The following KYNU variants were observed in gnomAD, a reference collection of about 807,000 sequenced individuals.
The protein encoded by KYNU is L-kynurenine hydrolase.
In KYNU, 54 loss-of-function variants were observed where a neutral mutation model predicts 59.2. The observed-to-expected ratio is 0.91, with a 90% CI of 0.73 to 1.14. The LOEUF (loss-of-function observed/expected upper bound fraction) is 1.14, where lower values mean the gene tolerates loss of function less well. Ranked by LOEUF, KYNU falls within the 50% of genes most tolerant of loss-of-function variation. The probability of loss-of-function intolerance (pLI) is 0.00; values close to 1 mark genes in which losing one functional copy is unlikely to be tolerated. For missense variants in KYNU, 567 were observed against 554.4 expected (o/e 1.02, Z -0.23); for synonymous variants, 177 against 192.0 (o/e 0.92, Z 0.65).
chr2:142,983,397 T>C (rs1685104253), intron 8 of KYNU, among the ~76,000 whole-genome samples: 1 of 152,036 alleles, frequency 6.6e-6, no homozygotes, highest in African/African-American at 2.4e-5. Flanking sequence ...ACATGGCTGA[T>C]CCCAGTGGCT....
intron 8 of KYNU, among the ~76,000 whole-genome samples, chr2:142,984,178 T>A (rs1012035572): frequency 3.9e-5 from 6 of 152,068 alleles, no homozygotes; most frequent in African/African-American, 1.4e-4. Context: ...ATATGTAACA[T>A]CGAGCATTGG....
At chr2:143,033,765 G>A (rs1420819607) in intron 12 of KYNU, among the ~76,000 whole-genome samples, 2 of 152,072 alleles carry the variant, frequency 1.3e-5, no homozygotes, top group Non-Finnish European at 2.9e-5. Flanking sequence ...ACTTTTTCTA[G>A]TTCATTGTAG....
intron 2 of KYNU, among the ~76,000 whole-genome samples, chr2:142,895,797 A>C (rs549245674): frequency 6.6e-5 from 10 of 152,190 alleles, no homozygotes; most frequent in Non-Finnish European, 1.2e-4. Flanking sequence ...CAATTCTTCC[A>C]TCTTAGCCTC....
At chr2:142,989,264 AGTT>A in intron 10 of KYNU, 4 of 462,618 alleles carry the variant, frequency 8.6e-6, no homozygotes, top group Non-Finnish European at 1.2e-5. Flanking sequence ...ATTATATTTC[AGTT>A]GTTAGCATTC....
chr2:142,984,094 A>C (rs1251351015), intron 8 of KYNU, among the ~76,000 whole-genome samples: 1 of 152,032 alleles, frequency 6.6e-6, no homozygotes, highest in Non-Finnish European at 1.5e-5. Flanking sequence ...TGAATCACTG[A>C]ACTTTCTGTA....
intron 3 of KYNU, among the ~76,000 whole-genome samples, chr2:142,925,403 T>G (rs1297525986): frequency 6.6e-6 from 1 of 152,138 alleles, no homozygotes; most frequent in Non-Finnish European, 1.5e-5. Flanking sequence ...AATAGAAATG[T>G]TAGTTTAAAA....
At chr2:142,920,546 A>G (rs531035029) in intron 3 of KYNU, among the ~76,000 whole-genome samples, 3 of 152,074 alleles carry the variant, frequency 2.0e-5, no homozygotes, top group African/African-American at 7.2e-5. Flanking sequence ...TCAAGACTTT[A>G]AAGTTGCATT....
intron 10 of KYNU, among the ~76,000 whole-genome samples, chr2:142,987,593 G>A (rs552135438): frequency 6.6e-6 from 1 of 151,952 alleles, no homozygotes; most frequent in South Asian, 2.1e-4. Context: ...TCTTTCAGGG[G>A]TCTGTCACCT....
intron 10 of KYNU, among the ~76,000 whole-genome samples, chr2:143,006,831 C>T (rs1243141359): frequency 2.0e-5 from 3 of 151,892 alleles, no homozygotes; most frequent in Non-Finnish European, 2.9e-5. Flanking sequence ...TCCAACAGAC[C>T]CTGCAGCTGA....
chr2:142,989,041 C>A, intron 10 of KYNU: 1 of 660,270 alleles, frequency 1.5e-6, no homozygotes, highest in Non-Finnish European at 2.6e-6. Flanking sequence ...GAGTGATAAA[C>A]AAAGAAAAGA....
At chr2:143,040,769 C>A in intron 13 of KYNU, 111 bp downstream of exon 13, 1 of 682,802 alleles carries the variant, frequency 1.5e-6, no homozygotes, top group Non-Finnish European at 2.5e-6. Context: ...ATCAGTCAGT[C>A]AATTAAGGAT....
intron 3 of KYNU, among the ~76,000 whole-genome samples, chr2:142,920,761 G>A (rs1305463600): frequency 6.6e-6 from 1 of 152,062 alleles, no homozygotes; most frequent in Non-Finnish European, 1.5e-5. Context: ...TTCCATCCTC[G>A]CTTTGTTTAT....
chr2:142,912,531 C>T (rs1052484667), intron 2 of KYNU, among the ~76,000 whole-genome samples: 2 of 151,300 alleles, frequency 1.3e-5, no homozygotes, highest in African/African-American at 4.8e-5. Flanking sequence ...AGGCATGTGC[C>T]ACCGCACCCA....
chr2:143,033,261 T>C lies in KYNU; in HGVS notation c.981T>C (p.Cys327=). The C allele has an allele frequency of 6.2e-7, 1 of 1,613,442 alleles. No individual in the cohort carries two copies. Among genetic ancestry groups the C allele is most frequent in the Non-Finnish European group, 8.5e-7 (1 of 1,179,320 alleles). ...AACTGCAGTTAATCCCTGGGGTCTG[T>C]GGATTCCGAATTTCAAATCCTCCCA... is the stretch of plus-strand genomic sequence containing the variant. The part of the protein sequence containing the change: ...DNKLQLIPGV[C]GFRISNPPIL... The change falls in exon 12 of 14, where the codon TGT becomes TGC. Residue 327 remains cysteine (C), a synonymous_variant. Coordinates refer to ENST00000264170, the MANE Select transcript of KYNU (RefSeq NM_003937.3).
chr2:142,960,472 C>A, intron 7 of KYNU, 152 bp from the exon 8 acceptor site: 1 of 558,446 alleles, frequency 1.8e-6, no homozygotes. Flanking sequence ...TGCTCAAATG[C>A]TGCTCTTATG....
At chr2:142,918,168 A>G (rs1311099591) in intron 2 of KYNU, among the ~76,000 whole-genome samples, 1 of 152,216 alleles carries the variant, frequency 6.6e-6, no homozygotes, top group Non-Finnish European at 1.5e-5. Context: ...AGTTATGTAA[A>G]TAATTATTTG....
intron 12 of KYNU, among the ~76,000 whole-genome samples, chr2:143,038,823 A>G (rs1454434773): frequency 6.6e-6 from 1 of 152,152 alleles, no homozygotes; most frequent in Non-Finnish European, 1.5e-5. Context: ...ACATACAGGA[A>G]TAACTGTTTT....
At chr2:142,903,964 T>C (rs953796719) in intron 2 of KYNU, among the ~76,000 whole-genome samples, 5 of 152,234 alleles carry the variant, frequency 3.3e-5, no homozygotes, top group Non-Finnish European at 7.3e-5. Context: ...TGGTGGCCTT[T>C]TCTTTATCCC....
intron 4 of KYNU, among the ~76,000 whole-genome samples, chr2:142,952,933 A>T (rs1436597721): frequency 3.3e-5 from 5 of 151,876 alleles, no homozygotes; most frequent in Non-Finnish European, 7.4e-5. Flanking sequence ...CATTTTTTTT[A>T]AATAAATGGT....
Sources: allele counts gnomAD v4.1 joint callset (sites outside exome capture counted in the v4.1 genomes callset), GRCh38; gene constraint gnomAD v4.1.1; transcripts MANE v1.5; gene names NCBI Gene and HGNC (gene_info 2026-07-23, HGNC 2026-07-21).